The following C6orf89 variants were observed in gnomAD, a reference collection of about 807,000 sequenced individuals.
The protein encoded by C6orf89 is bombesin receptor-activated protein C6orf89.
Under a neutral mutation model 40.7 loss-of-function variants are expected in C6orf89, and 29 were observed. The ratio of observed to expected loss-of-function variants is 0.71; its 90% CI spans 0.53 to 0.97. The LOEUF is 0.97. Among genes scored for constraint, C6orf89 ranks in the 50% least tolerant of loss-of-function variants. The pLI, the probability that C6orf89 is intolerant of heterozygous loss-of-function variation, is 0.00. For missense variants in C6orf89, 392 were observed against 429.1 expected, an observed-to-expected ratio of 0.91 and a Z score of 0.76; for synonymous variants, 165 against 152.2, an observed-to-expected ratio of 1.08 and a Z score of -0.62.
intron 6 of C6orf89, among the ~76,000 whole-genome samples, chr6:36,914,923 G>A (rs1397803489): frequency 2.6e-5 from 4 of 152,222 alleles, no homozygotes; most frequent in Non-Finnish European, 5.9e-5. Context: ...CTGGGAGGTG[G>A]AGGTTGCCAT....
intron 1 of C6orf89, among the ~76,000 whole-genome samples, chr6:36,889,082 G>C (rs1424985802): frequency 6.6e-6 from 1 of 152,196 alleles, no homozygotes; most frequent in African/African-American, 2.4e-5. Context: ...CCAATAGCTG[G>C]TGGTCAAAGT....
In C6orf89 at chr6:36,902,296, C is replaced by G. The variant is rs1320576857; in HGVS notation, c.265C>G (p.Pro89Ala). The G allele has an allele frequency of 6.2e-7, 1 of 1,614,058 alleles. No homozygotes were observed. The highest frequency in any genetic ancestry group is 1.3e-5 in the African/African-American group (1 of 74,896). ...ACCTTTCAGCCCATTAGCACCTGAG[C>G]CAGTGCTTTCTGGAGCTCACACCTG... Reference protein sequence around the residue: ...IQPFSPLAPEPVLSGAHTWRS... With the variant: ...IQPFSPLAPEAVLSGAHTWRS... The change falls in exon 4 of 9, where the codon CCA becomes GCA. Residue 89 changes from proline (P) to alanine (A), a missense_variant. Transcript: ENST00000480824.
intron 3 of C6orf89, among the ~76,000 whole-genome samples, chr6:36,901,315 A>T (rs10947641): frequency 2.7e-3 from 78 of 29,176 alleles, no homozygotes; most frequent in Admixed American, 4.0e-3. Flanking sequence ...TATTATTATT[A>T]TTATTATTTT....
intron 4 of C6orf89, among the ~76,000 whole-genome samples, chr6:36,902,823 C>G (rs983382705): frequency 5.9e-5 from 9 of 152,206 alleles, no homozygotes; most frequent in Non-Finnish European, 1.0e-4. Flanking sequence ...CAACCGAGTT[C>G]AGCTTGCTTC....
At chr6:36,910,736 A>C (rs1457246711) in intron 4 of C6orf89, among the ~76,000 whole-genome samples, 1 of 151,732 alleles carries the variant, frequency 6.6e-6, no homozygotes, top group African/African-American at 2.4e-5. Context: ...CTAAAAAAAA[A>C]AAAAAGGCTG....
At chr6:36,884,106 A>G (rs1774898075), upstream of C6orf89, among the ~76,000 whole-genome samples, 1 of 152,162 alleles carries the variant, frequency 6.6e-6, no homozygotes, top group African/African-American at 2.4e-5. The surrounding 1 kb of genome is among the most constrained non-coding windows in gnomAD (Gnocchi z 4.0). Context: ...TACTAAAAAT[A>G]TGAAAATTAG....
chr6:36,882,596 T>C (rs1353181538), upstream of C6orf89, among the ~76,000 whole-genome samples: 2 of 152,224 alleles, frequency 1.3e-5, no homozygotes, highest in Non-Finnish European at 2.9e-5. Context: ...GCAGAAATAA[T>C]TTAAATCCAA....
At chr6:36,914,720 T>C in intron 6 of C6orf89, 27 bp downstream of exon 6, 1 of 1,608,188 alleles carries the variant, frequency 6.2e-7, no homozygotes, top group Non-Finnish European at 8.5e-7. Flanking sequence ...CCGGGCACAG[T>C]GGCTCATGCC....
intron 2 of C6orf89, among the ~76,000 whole-genome samples, chr6:36,896,588 G>C (rs1761437425): frequency 6.6e-6 from 1 of 151,964 alleles, no homozygotes; most frequent in Admixed American, 6.6e-5. Context: ...TTACTTTCTT[G>C]ATGGTATTGA....
In C6orf89 at chr6:36,926,540, GAAAGA is replaced by G. The variant is rs1392043557; in HGVS notation, c.*3108_*3112del. ...AGAGCGAAACTCTGTCAAAGGAAAGGAAAGAAAAGAAAAAAAAAAAGAGAGAGAGA... is the reference window on the plus strand; with the variant it reads ...AGAGCGAAACTCTGTCAAAGGAAAGGAAAGAAAAAAAAAAAGAGAGAGAGA... On this transcript the variant is annotated 3_prime_UTR_variant, in exon 9 of 9. Coordinates refer to ENST00000480824, the MANE Select transcript of C6orf89 (RefSeq NM_001286635.2). 1.9e-5 allele frequency: 2 copies of G among 108,050 alleles called. No individual in the cohort carries two copies. Among genetic ancestry groups the G allele is most frequent in the Middle Eastern group, 5.4e-3 (1 of 184 alleles). 6.7% of individuals were successfully genotyped at this position (108,050 alleles called of 1,614,324 possible).
At chr6:36,874,407 C>T (rs3778017) in intron 1 of C6orf89, among the ~76,000 whole-genome samples, 75,634 of 151,756 alleles carry the variant, frequency 0.5, 19,413 homozygotes, top group East Asian at 0.66. Context: ...ATCCTCAGAA[C>T]TCATATTCCA....
chr6:36,907,142 A>G (rs1438340046), intron 4 of C6orf89, among the ~76,000 whole-genome samples: 2 of 152,154 alleles, frequency 1.3e-5, no homozygotes, highest in East Asian at 3.8e-4. Flanking sequence ...TATATATGCC[A>G]GGCACTGTTC....
chr6:36,916,503 C>T lies in C6orf89; in HGVS notation c.754C>T (p.Leu252=), dbSNP rs536515496. 3.1e-6 allele frequency: 5 copies of T among 1,614,238 alleles called. No individual in the cohort carries two copies. In the South Asian group the frequency reaches 5.5e-5, roughly 18 times the overall value. ...LRELFPVFTH[L]PFPKDASLNK... ...TGAGCTTTTTCCTGTTTTCACTCAC[C>T]TGCCATTTCCAAAAGATGCCTCTTT... The change falls in exon 7 of 9, where the codon CTG becomes TTG. Residue 252 remains leucine (L), a synonymous_variant. Coordinates refer to ENST00000480824, the MANE Select transcript of C6orf89 (RefSeq NM_001286635.2).
chr6:36,896,446 C>T (rs879303368), intron 2 of C6orf89, among the ~76,000 whole-genome samples: 10 of 152,038 alleles, frequency 6.6e-5, no homozygotes, highest in Admixed American at 6.6e-4. Flanking sequence ...TATTCAAATC[C>T]TTTGTCTATT....
At position 36,924,613 on chromosome 6, in the gene C6orf89, C is replaced by G. The variant is rs904089019; in HGVS notation, c.*1172C>G. 1.3e-5 allele frequency: 2 copies of G among 152,128 alleles called. No individual in the cohort carries two copies. Among genetic ancestry groups the G allele is most frequent in the Non-Finnish European group, 2.9e-5 (2 of 68,022 alleles). The allele number at this position is 152,128 out of a possible 1,614,324, so 9.4% of individuals were successfully genotyped here. A position where few individuals can be genotyped will look rare whatever the true frequency, so the allele number is the denominator to read the frequency against. ...CTAAGTGCTTTTAGTAGGTAGCAATCAAATGGTGTAAATAAGGATGTTCTT... is the reference window on the plus strand; with the variant it reads ...CTAAGTGCTTTTAGTAGGTAGCAATGAAATGGTGTAAATAAGGATGTTCTT... On this transcript the variant is annotated 3_prime_UTR_variant, in exon 9 of 9. Coordinates refer to ENST00000480824, the MANE Select transcript of C6orf89 (RefSeq NM_001286635.2).
At chr6:36,890,611 G>A (rs183725211) in intron 1 of C6orf89, among the ~76,000 whole-genome samples, 13 of 152,280 alleles carry the variant, frequency 8.5e-5, no homozygotes, top group Admixed American at 8.5e-4. Context: ...TCTGCTCACT[G>A]CAACCTCCAC....
At chr6:36,892,914 C>A (rs1245746650) in intron 1 of C6orf89, 1 of 152,056 alleles carries the variant, frequency 6.6e-6, no homozygotes, top group African/African-American at 2.4e-5. Context: ...ATGCTTGATG[C>A]ATAGTAATGA....
intron 1 of C6orf89, chr6:36,874,776 G>C (rs377121384): frequency 1.9e-6 from 3 of 1,614,106 alleles, no homozygotes; most frequent in African/African-American, 1.3e-5. Flanking sequence ...CCGCCATAGC[G>C]AAGCCGGCGG....
Position 36,923,615 on chromosome 6 carries a change from C to A in C6orf89, c.*174C>A. On this transcript the variant is annotated 3_prime_UTR_variant, in exon 9 of 9. Coordinates refer to ENST00000480824, the MANE Select transcript of C6orf89 (RefSeq NM_001286635.2). ...GCAAGGCAGTGGCCAGAGCCTCGCC[C>A]TCCTGACTCTTCCTGCAGGTGGCTC... The A allele has an allele frequency of 1.5e-6, 1 of 661,028 alleles. No homozygotes were observed. The highest frequency in any genetic ancestry group is 1.6e-5 in the South Asian group (1 of 64,040). The allele number at this position is 661,028 out of a possible 1,614,324, so 40.9% of individuals were successfully genotyped here.
Sources: gnomAD v4.1 joint callset for allele counts (sites outside exome capture counted in the v4.1 genomes callset) on GRCh38, gnomAD v4.1.1 for gene constraint, Gnocchi (gnomAD v3.1) non-coding constraint, MANE v1.5 for transcripts, NCBI Gene and HGNC (gene_info 2026-07-23, HGNC 2026-07-21) for gene names.